The following RNF121 variants were observed in gnomAD, a reference collection of about 807,000 sequenced individuals.
The protein encoded by RNF121 is ring finger protein 121.
Under a neutral mutation model 46.5 loss-of-function variants are expected in RNF121, and 21 were observed. The ratio of observed to expected loss-of-function variants is 0.45; its 90% CI spans 0.32 to 0.65. The LOEUF (loss-of-function observed/expected upper bound fraction) is 0.65, where lower values mean the gene tolerates loss of function less well. RNF121 is among the 30% of genes least tolerant of loss of function. The probability of loss-of-function intolerance (pLI) is 0.04; values close to 1 mark genes in which losing one functional copy is unlikely to be tolerated. For missense variants in RNF121, 346 were observed against 416.0 expected (o/e 0.83, Z 1.46); for synonymous variants, 139 against 144.7 (o/e 0.96, Z 0.28).
At chr11:71,961,559 C>T (rs1254068367) in intron 3 of RNF121, among the ~76,000 whole-genome samples, 1 of 151,408 alleles carries the variant, frequency 6.6e-6, no homozygotes, top group Non-Finnish European at 1.5e-5. Flanking sequence ...AAGACTCTGT[C>T]TCAAAAAAAA....
rs1033766907 is a variant in RNF121, at chr11:71,961,025, A to G, written c.243+134A>G. The stretch of plus-strand genomic sequence containing the variant: ...TAACAATGAACTTTATGTATGAATG[A>G]TGAATAGTGTATTGGCGAGTGTGTG... On this transcript the variant is annotated intron_variant, in intron 3 of 8. Transcript: ENST00000361756. 5.1e-6 allele frequency: 5 copies of G among 988,638 alleles called. No individual in the cohort carries two copies. The African/African-American group carries it at 8.1e-5, about 16-fold the overall frequency. 61.2% of individuals were successfully genotyped at this position (988,638 alleles called of 1,614,324 possible).
chr11:71,947,443 C>G (rs1953752945), intron 1 of RNF121, among the ~76,000 whole-genome samples: 1 of 148,220 alleles, frequency 6.7e-6, no homozygotes, highest in Non-Finnish European at 1.5e-5. Flanking sequence ...GAGCTATGAT[C>G]AAGCCACTGC....
intron 4 of RNF121, among the ~76,000 whole-genome samples, chr11:71,984,159 A>T (rs566591634): frequency 6.6e-6 from 1 of 152,398 alleles, no homozygotes; most frequent in South Asian, 2.1e-4. Flanking sequence ...ATAAGATGAT[A>T]TGAAGAAAAA....
chr11:71,982,553 A>G (rs1257156668), intron 3 of RNF121, among the ~76,000 whole-genome samples: 2 of 152,202 alleles, frequency 1.3e-5, no homozygotes, highest in African/African-American at 4.8e-5. Flanking sequence ...GAATATATCC[A>G]AGAGATAGTT....
At chr11:71,939,908 A>T (rs1249781637) in intron 1 of RNF121, among the ~76,000 whole-genome samples, 1 of 152,236 alleles carries the variant, frequency 6.6e-6, no homozygotes, top group East Asian at 1.9e-4. Context: ...CCATCAAGTG[A>T]TAATGACAAT....
At chr11:71,943,089 G>A (rs1953624558) in intron 1 of RNF121, among the ~76,000 whole-genome samples, 1 of 152,088 alleles carries the variant, frequency 6.6e-6, no homozygotes, top group Admixed American at 6.6e-5. Flanking sequence ...TGGAGGTTAG[G>A]TTTCAACGTA....
intron 1 of RNF121, among the ~76,000 whole-genome samples, chr11:71,946,647 G>GT (rs547977600): frequency 0.023 from 3,161 of 136,286 alleles, 92 homozygotes; most frequent in African/African-American, 0.071. Flanking sequence ...TGAGCATGAG[G>GT]TTTTTTTTTT....
chr11:71,934,970 C>G (rs1259099803), intron 1 of RNF121, among the ~76,000 whole-genome samples: 1 of 122,862 alleles, frequency 8.1e-6, no homozygotes, highest in African/African-American at 3.1e-5. Flanking sequence ...TTTAGACAGT[C>G]TTGCTCTGCC....
intron 4 of RNF121, among the ~76,000 whole-genome samples, chr11:71,983,937 T>C (rs1323491823): frequency 6.6e-6 from 1 of 152,240 alleles, no homozygotes; most frequent in Non-Finnish European, 1.5e-5. Context: ...TGGAGTTTCA[T>C]TGTATAAGGT....
chr11:71,934,752 G>A (rs1194505040), intron 1 of RNF121, among the ~76,000 whole-genome samples: 1 of 152,006 alleles, frequency 6.6e-6, no homozygotes, highest in Non-Finnish European at 1.5e-5. Flanking sequence ...GTAAACAGTG[G>A]GTTCATATTC....
intron 5 of RNF121, among the ~76,000 whole-genome samples, chr11:71,989,723 A>G (rs1322631507): frequency 1.3e-5 from 2 of 152,202 alleles, no homozygotes; most frequent in African/African-American, 4.8e-5. Flanking sequence ...TATAGGCAAG[A>G]TCTTTATCCT....
At chr11:71,952,006 C>T (rs2134166573) in intron 1 of RNF121, among the ~76,000 whole-genome samples, 1 of 152,206 alleles carries the variant, frequency 6.6e-6, no homozygotes, top group East Asian at 1.9e-4. Flanking sequence ...TATATTCACA[C>T]AAAAATTTAA....
intron 3 of RNF121, among the ~76,000 whole-genome samples, chr11:71,976,446 C>T (rs1481219069): frequency 6.6e-6 from 1 of 150,590 alleles, no homozygotes; most frequent in Non-Finnish European, 1.5e-5. Context: ...ACCTCCGCCT[C>T]CCGGGTTCAA....
At chr11:71,984,645 T>G (rs1276231007) in intron 4 of RNF121, among the ~76,000 whole-genome samples, 3 of 151,286 alleles carry the variant, frequency 2.0e-5, no homozygotes, top group Non-Finnish European at 2.9e-5. Context: ...CAGGCTGGAG[T>G]GCAGTTCACT....
chr11:71,962,005 T>A (rs1295143163), intron 3 of RNF121: 1 of 148,978 alleles, frequency 6.7e-6, no homozygotes, highest in Non-Finnish European at 1.5e-5. Flanking sequence ...TCTCGCTGTG[T>A]CGCCCAGGCG....
chr11:71,991,152 C>T (rs185194114), intron 6 of RNF121, among the ~76,000 whole-genome samples: 12 of 152,206 alleles, frequency 7.9e-5, no homozygotes, highest in Admixed American at 4.6e-4. Context: ...ATCATTCGCA[C>T]CCCAGACCTC....
At chr11:71,954,423 C>T (rs1489811143) in intron 1 of RNF121, among the ~76,000 whole-genome samples, 2 of 152,148 alleles carry the variant, frequency 1.3e-5, no homozygotes, top group Non-Finnish European at 1.5e-5. Flanking sequence ...CTTGCCCTTC[C>T]GAGCTGCCTT....
At chr11:71,946,739 A>G (rs1953731207) in intron 1 of RNF121, among the ~76,000 whole-genome samples, 1 of 151,114 alleles carries the variant, frequency 6.6e-6, no homozygotes, top group Non-Finnish European at 1.5e-5. Flanking sequence ...TGGAGACAGA[A>G]TCTCCCTCTG....
chr11:71,969,592 T>C (rs921969594), intron 3 of RNF121, among the ~76,000 whole-genome samples: 1 of 152,192 alleles, frequency 6.6e-6, no homozygotes, highest in African/African-American at 2.4e-5. Flanking sequence ...AGACAGGGTC[T>C]TTCTCTGTCA....
Sources: gnomAD v4.1 joint callset for allele counts (sites outside exome capture counted in the v4.1 genomes callset) on GRCh38, gnomAD v4.1.1 for gene constraint, MANE v1.5 for transcripts, NCBI Gene and HGNC (gene_info 2026-07-23, HGNC 2026-07-21) for gene names.